The following APBB2 variants were observed in gnomAD, a reference collection of about 807,000 sequenced individuals.
APBB2 encodes amyloid beta precursor protein binding family B member 2, also known as Fe65-like 1.
A neutral mutation model predicts 82.5 loss-of-function variants in APBB2; 38 were observed. The ratio of observed to expected loss-of-function variants is 0.46; its 90% CI spans 0.36 to 0.60. The LOEUF is 0.60. Ranked by LOEUF, APBB2 falls within the 20% of genes least tolerant of loss-of-function variation. The probability of loss-of-function intolerance (pLI) is 0.00; values close to 1 mark genes in which losing one functional copy is unlikely to be tolerated. For missense variants in APBB2, 772 were observed against 972.3 expected, an observed-to-expected ratio of 0.79 and a Z score of 2.74; for synonymous variants, 341 against 368.2, an observed-to-expected ratio of 0.93 and a Z score of 0.85.
chr4:40,999,555 T>C (rs1804575545), intron 6 of APBB2, among the ~76,000 whole-genome samples: 1 of 152,222 alleles, frequency 6.6e-6, no homozygotes, highest in African/African-American at 2.4e-5. Context: ...AGCTTACAGT[T>C]CAGTTTCACC....
intron 1 of APBB2, among the ~76,000 whole-genome samples, chr4:41,199,075 C>T (rs1346978302): frequency 6.6e-6 from 1 of 152,210 alleles, no homozygotes; most frequent in Non-Finnish European, 1.5e-5. Context: ...AGTATGACCT[C>T]ACCTTAACAT....
rs1744350539 is a variant in APBB2 at position 40,811,294 on chromosome 4, T to A, written c.*4798A>T. The A allele has an allele frequency of 6.6e-6, 1 of 152,078 alleles. No individual in the cohort carries two copies. Among genetic ancestry groups the A allele is most frequent in the African/African-American group, 2.4e-5 (1 of 41,408 alleles). 9.4% of individuals were successfully genotyped at this position (152,078 alleles called of 1,614,324 possible). A position where few individuals can be genotyped will look rare whatever the true frequency, so the allele number is the denominator to read the frequency against. ...GATAAAAGCAATATGAGGCCGGACG[T>A]GGTGGCTCACATACTTTGGGAGGTT... On this transcript the variant is annotated 3_prime_UTR_variant, in exon 18 of 18. Transcript: ENST00000508593.
At chr4:40,903,727 G>A (rs1462502685) in intron 10 of APBB2, among the ~76,000 whole-genome samples, 2 of 152,130 alleles carry the variant, frequency 1.3e-5, no homozygotes, top group African/African-American at 4.8e-5. Flanking sequence ...TTTTGGGGAG[G>A]ATACACACAC....
At chr4:40,977,321 T>TG (rs1296552906) in intron 6 of APBB2, among the ~76,000 whole-genome samples, 2 of 151,566 alleles carry the variant, frequency 1.3e-5, no homozygotes, top group Admixed American at 6.6e-5. Context: ...TATAGTTGTT[T>TG]TTTTTTTTTT....
At chr4:41,175,112 C>A (rs1156703096) in intron 1 of APBB2, among the ~76,000 whole-genome samples, 1 of 152,112 alleles carries the variant, frequency 6.6e-6, no homozygotes, top group Non-Finnish European at 1.5e-5. Context: ...ACCAACCCAG[C>A]CTAGTTAGAT....
In APBB2 at chr4:40,955,869, G is replaced by A. The variant is rs533214405; in HGVS notation, c.836-10796C>T. ...CGGCTCAATGCAACCTCCACATCCT[G>A]GGTTCAAGTGATTCTCCTGCCTCAG... On this transcript the variant is annotated intron_variant, in intron 6 of 17. Coordinates refer to ENST00000508593, the MANE Select transcript of APBB2 (RefSeq NM_004307.2). 7.9e-5 allele frequency among the ~76,000 whole-genome samples: 12 copies of A among 152,072 alleles called. No individual in the cohort carries two copies. In the East Asian group the frequency reaches 2.1e-3, roughly 27 times the overall value.
Position 41,131,143 on chromosome 4 carries a change from G to A in APBB2, c.-261+11844C>T, listed in dbSNP as rs769972124. On this transcript the variant is annotated intron_variant, in intron 2 of 17. Coordinates refer to ENST00000508593, the MANE Select transcript of APBB2 (RefSeq NM_004307.2). ...CTCTACATTTCTGCCTTCTCTTGAT[G>A]TATCAGCAGATCATGCTACACTGGA... 2.6e-5 allele frequency among the ~76,000 whole-genome samples: 4 copies of A among 152,310 alleles called. No homozygotes were observed. The South Asian group carries it at 8.3e-4, about 32-fold the overall frequency.
rs755210388 is a variant in APBB2 at position 40,816,053 on chromosome 4, A to T, written c.*39T>A. 6.3e-6 allele frequency: 10 copies of T among 1,597,756 alleles called. No individual in the cohort carries two copies. Among genetic ancestry groups the T allele is most frequent in the Non-Finnish European group, 8.6e-6 (10 of 1,167,572 alleles). On this transcript the variant is annotated 3_prime_UTR_variant, in exon 18 of 18. Coordinates refer to ENST00000508593, the MANE Select transcript of APBB2 (RefSeq NM_004307.2). The stretch of plus-strand genomic sequence containing the variant: ...TTCATTTTCTTTAGTGTAGCTAGTC[A>T]ATCTTCAGGTAAATAGCCGAGTCCT...
At chr4:41,004,799 T>C (rs1229323197) in intron 6 of APBB2, among the ~76,000 whole-genome samples, 1 of 117,552 alleles carries the variant, frequency 8.5e-6, no homozygotes, top group Non-Finnish European at 1.6e-5. Context: ...ATCGTGCCAC[T>C]GCACTCCAGC....
At chr4:41,156,935 GTACGCCTGCAATCCCAGC>G (rs1763614206) in intron 1 of APBB2, among the ~76,000 whole-genome samples, 1 of 152,010 alleles carries the variant, frequency 6.6e-6, no homozygotes, top group Admixed American at 6.5e-5. Context: ...GAATGGTGGT[GTACGCCTGCAATCCCAGC>G]TACTTGGGGG....
intron 4 of APBB2, among the ~76,000 whole-genome samples, chr4:41,054,227 C>G (rs1727054356): frequency 1.3e-5 from 2 of 152,206 alleles, no homozygotes; most frequent in African/African-American, 4.8e-5. Flanking sequence ...AGGGAGGGTA[C>G]TGACAAGCTC....
chr4:41,114,226 A>T (rs1750173227), intron 2 of APBB2, among the ~76,000 whole-genome samples: 1 of 152,210 alleles, frequency 6.6e-6, no homozygotes, highest in African/African-American at 2.4e-5. Context: ...CAAAAACCAC[A>T]TGATTATCTC....
chr4:40,837,015 A>T (rs1280448490), intron 12 of APBB2, among the ~76,000 whole-genome samples: 1 of 152,202 alleles, frequency 6.6e-6, no homozygotes, highest in African/African-American at 2.4e-5. Context: ...GCTAAAGGCC[A>T]CTGTGGTCAT....
chr4:40,845,270 T>C (rs991575619), intron 12 of APBB2, among the ~76,000 whole-genome samples: 5 of 152,162 alleles, frequency 3.3e-5, no homozygotes. Flanking sequence ...CTTGTAAATT[T>C]GCTGGGAAGA....
intron 6 of APBB2, among the ~76,000 whole-genome samples, chr4:41,013,023 C>T (rs956306590): frequency 6.6e-6 from 1 of 152,110 alleles, no homozygotes; most frequent in African/African-American, 2.4e-5. Flanking sequence ...TCAAGAAATA[C>T]GATTTTCCCA....
At chr4:40,884,645 C>T (rs928153091) in intron 12 of APBB2, among the ~76,000 whole-genome samples, 3 of 152,012 alleles carry the variant, frequency 2.0e-5, no homozygotes, top group African/African-American at 7.3e-5. Flanking sequence ...ACCTGTAGTC[C>T]CAGCTAACTC....
intron 12 of APBB2, among the ~76,000 whole-genome samples, chr4:40,838,329 ATTTT>A (rs780767835): frequency 5.5e-5 from 4 of 72,274 alleles, no homozygotes; most frequent in African/African-American, 1.8e-4. Context: ...CACATGGCTA[ATTTT>A]TTTTTTTTTT....
intron 12 of APBB2, among the ~76,000 whole-genome samples, chr4:40,864,977 G>A (rs1474742844): frequency 6.6e-6 from 1 of 150,924 alleles, no homozygotes; most frequent in African/African-American, 2.4e-5. Flanking sequence ...TCCCATCTCA[G>A]CCTCCCGAGT....
intron 7 of APBB2, chr4:40,935,481 T>A (rs1043372208): frequency 4.5e-6 from 1 of 220,636 alleles, no homozygotes; most frequent in South Asian, 9.9e-5. Context: ...TCCATAATAA[T>A]CATTTTCCTC....
Sources: gnomAD v4.1 joint callset for allele counts (sites outside exome capture counted in the v4.1 genomes callset) on GRCh38, gnomAD v4.1.1 for gene constraint, MANE v1.5 for transcripts, NCBI Gene and HGNC (gene_info 2026-07-23, HGNC 2026-07-21) for gene names.